The following DLC1 variants were observed in gnomAD, a reference collection of about 807,000 sequenced individuals.
The protein encoded by DLC1 is DLC1 Rho GTPase activating protein.
In DLC1, 54 loss-of-function variants were observed where a neutral mutation model predicts 140.3. The observed-to-expected ratio is 0.38, with a 90% confidence interval of 0.31 to 0.48. DLC1 has a LOEUF of 0.48. Among genes scored for constraint, DLC1 ranks in the 20% least tolerant of loss-of-function variants. The pLI is 0.96. For missense variants in DLC1, 2,536 were observed against 1,907.0 expected (o/e 1.33, Z -6.14); for synonymous variants, 986 against 728.1 (o/e 1.35, Z -5.70).
At chr8:13,398,664 A>G (rs889794110) in intron 3 of DLC1, among the ~76,000 whole-genome samples, 4 of 151,868 alleles carry the variant, frequency 2.6e-5, no homozygotes, top group African/African-American at 7.3e-5. Flanking sequence ...AGTCCCAACT[A>G]TACTTGCTAA....
At chr8:13,162,556 C>A (rs1193271254) in intron 5 of DLC1, among the ~76,000 whole-genome samples, 1 of 152,184 alleles carries the variant, frequency 6.6e-6, no homozygotes, top group Non-Finnish European at 1.5e-5. Flanking sequence ...CTCCTGACCT[C>A]AGGCGATCTC....
chr8:13,109,403 A>C (rs899718134), intron 7 of DLC1, among the ~76,000 whole-genome samples: 3 of 151,912 alleles, frequency 2.0e-5, no homozygotes, highest in African/African-American at 7.3e-5. Flanking sequence ...CAAAAAATAC[A>C]AAAATTAGCT....
intron 4 of DLC1, among the ~76,000 whole-genome samples, chr8:13,349,855 G>A (rs1834551499): frequency 6.6e-6 from 1 of 152,158 alleles, no homozygotes; most frequent in South Asian, 2.1e-4. Flanking sequence ...AAAGTGAGTT[G>A]CACTTTAGAT....
intron 6 of DLC1, among the ~76,000 whole-genome samples, chr8:13,114,259 G>A (rs547904548): frequency 6.6e-6 from 1 of 152,316 alleles, no homozygotes; most frequent in South Asian, 2.1e-4. Flanking sequence ...CTACTCAGGA[G>A]GCTGAGGCAG....
At chr8:13,463,840 G>T (rs1479754638) in intron 2 of DLC1, among the ~76,000 whole-genome samples, 1 of 152,072 alleles carries the variant, frequency 6.6e-6, no homozygotes, top group Non-Finnish European at 1.5e-5. Context: ...TCTGGGGAGA[G>T]AGTAAAAGTT....
intron 5 of DLC1, among the ~76,000 whole-genome samples, chr8:13,169,759 C>G (rs1052747427): frequency 1.3e-5 from 2 of 151,996 alleles, no homozygotes; most frequent in African/African-American, 4.8e-5. Flanking sequence ...CCCAGTGGCT[C>G]TAGTCTGTAA....
At chr8:13,210,350 C>T (rs1176731813) in intron 5 of DLC1, among the ~76,000 whole-genome samples, 2 of 152,096 alleles carry the variant, frequency 1.3e-5, no homozygotes, top group Non-Finnish European at 2.9e-5. Context: ...GATCAAAGAT[C>T]ACAGCACTGA....
intron 5 of DLC1, among the ~76,000 whole-genome samples, chr8:13,252,329 T>C (rs1830042206): frequency 6.6e-6 from 1 of 152,134 alleles, no homozygotes; most frequent in African/African-American, 2.4e-5. Flanking sequence ...GCATTAGATA[T>C]AACTGCGACA....
intron 5 of DLC1, among the ~76,000 whole-genome samples, chr8:13,184,137 T>C (rs1826207020): frequency 6.6e-6 from 1 of 152,240 alleles, no homozygotes. Flanking sequence ...TGGTAGTTTT[T>C]ATTTCTATGG....
At chr8:13,162,713 G>C (rs536389931) in intron 5 of DLC1, among the ~76,000 whole-genome samples, 11 of 152,262 alleles carry the variant, frequency 7.2e-5, no homozygotes, top group Non-Finnish European at 1.3e-4. Context: ...GCCAAGGCAG[G>C]AGGATCACTT....
intron 2 of DLC1, among the ~76,000 whole-genome samples, chr8:13,438,022 CTT>C (rs11355863): frequency 4.3e-4 from 61 of 142,214 alleles, no homozygotes; most frequent in East Asian, 1.2e-3. Flanking sequence ...TGATCTACCT[CTT>C]TTTTTTTTTT....
chr8:13,483,880 G>A (rs1351645177), intron 2 of DLC1, among the ~76,000 whole-genome samples: 9 of 152,092 alleles, frequency 5.9e-5, no homozygotes, highest in African/African-American at 1.7e-4. Flanking sequence ...TCAGGAGTTC[G>A]AGATCAGCCT....
intron 5 of DLC1, among the ~76,000 whole-genome samples, chr8:13,175,348 G>C (rs76945441): frequency 1.6e-3 from 235 of 145,204 alleles, no homozygotes; most frequent in African/African-American, 5.7e-3. Flanking sequence ...ATTCAGGCTC[G>C]TTTTTGGTTT....
chr8:13,254,166 G>T (rs1380117889), intron 5 of DLC1, among the ~76,000 whole-genome samples: 1 of 137,772 alleles, frequency 7.3e-6, no homozygotes, highest in Non-Finnish European at 1.6e-5. Flanking sequence ...ACCCCAACCC[G>T]ACCCCCTAAA....
At chr8:13,480,437 G>A (rs747874587) in intron 2 of DLC1, among the ~76,000 whole-genome samples, 1 of 152,140 alleles carries the variant, frequency 6.6e-6, no homozygotes, top group South Asian at 2.1e-4. Flanking sequence ...CTGCCTGGTT[G>A]ATCTTTTAAA....
chr8:13,328,909 T>A (rs1024423799), intron 4 of DLC1, among the ~76,000 whole-genome samples: 2 of 152,118 alleles, frequency 1.3e-5, no homozygotes, highest in South Asian at 2.1e-4. Context: ...AATGTGATCA[T>A]TTCATCCTGC....
chr8:13,569,844 C>A (rs1460951238), intron 1 of DLC1, among the ~76,000 whole-genome samples: 2 of 152,200 alleles, frequency 1.3e-5, no homozygotes, highest in Non-Finnish European at 2.9e-5. Flanking sequence ...ACCTCAGCCT[C>A]CCCAGCAGCT....
rs1217898656 is a variant in DLC1, at chr8:13,410,342, C to T, written c.1024-8723G>A. On this transcript the variant is annotated intron_variant, in intron 2 of 17. Coordinates refer to ENST00000276297, the MANE Select transcript of DLC1 (RefSeq NM_182643.3). ...GAAAAAGTAAGAATGCTTGTTATCA[C>T]ATATTCTACTCAACATTACACTTGA... Among the ~76,000 whole-genome samples, 3 of 152,080 alleles carry T rather than the reference C, an allele frequency of 2.0e-5. No homozygotes were observed. In the East Asian group the frequency reaches 5.8e-4, roughly 29 times the overall value.
intron 4 of DLC1, chr8:13,340,581 C>A (rs898755523): frequency 6.6e-6 from 1 of 152,190 alleles, no homozygotes; most frequent in Non-Finnish European, 1.5e-5. Flanking sequence ...AAAACAAAAA[C>A]AAACTATTTT....
Sources: gnomAD v4.1 joint callset for allele counts (sites outside exome capture counted in the v4.1 genomes callset) on GRCh38, gnomAD v4.1.1 for gene constraint, MANE v1.5 for transcripts, NCBI Gene and HGNC (gene_info 2026-07-23, HGNC 2026-07-21) for gene names.